CDR2L: variants seen among roughly 807,000 people sequenced by gnomAD.
The protein encoded by CDR2L is cerebellar degeneration related protein 2 like, also known as cerebellar degeneration-related protein 2-like.
In CDR2L, 19 loss-of-function variants were observed where a neutral mutation model predicts 36.1. The ratio of observed to expected loss-of-function variants is 0.53; its 90% CI spans 0.37 to 0.77. The LOEUF is 0.77. Ranked by LOEUF, CDR2L falls within the 30% of genes least tolerant of loss-of-function variation. The pLI is 0.00. For synonymous variants in CDR2L, 285 were observed against 280.4 expected, an observed-to-expected ratio of 1.02 and a Z score of -0.16; for missense variants, 575 against 627.2, an observed-to-expected ratio of 0.92 and a Z score of 0.89.
rs2039871573 is a variant in CDR2L, at chr17:75,002,219, C to T, written c.497C>T (p.Thr166Ile). 1.2e-6 allele frequency: 2 copies of T among 1,608,168 alleles called. No individual in the cohort carries two copies. Among genetic ancestry groups the T allele is most frequent in the Non-Finnish European group, 1.7e-6 (2 of 1,177,548 alleles). Residue 166 changes from threonine (T) to isoleucine (I), a missense_variant, in exon 4 of 5, where the codon ACC (threonine) becomes ATC (isoleucine). Physicochemically the swap from Thr to Ile is moderately conservative, Grantham distance 89. Coordinates refer to ENST00000337231, the MANE Select transcript of CDR2L (RefSeq NM_014603.3). The surrounding 1 kb of genome is among the most constrained non-coding windows in gnomAD (Gnocchi z 4.1). ...TTCCCCTGCCTCAAGGAGCTGTGCA[C>T]CAGCCCCCGGTAGGTGAGAGCACTG... ...HTFPCLKELCTSPRCKDAFRL... is the reference protein window; with the variant it reads ...HTFPCLKELCISPRCKDAFRL...
At position 74,995,722 on chromosome 17, in the gene CDR2L, C is replaced by T. The variant is rs1299237455; in HGVS notation, c.80-3782C>T. On this transcript the variant is annotated intron_variant, in intron 1 of 4. Transcript: ENST00000337231. ...TTTACCATGTTGGCCAGGCTGGTCT[C>T]GAACTCCTGACTTCAAGTGATCCAC... Among the ~76,000 whole-genome samples, 3 of 150,972 alleles carry T rather than the reference C, an allele frequency of 2.0e-5. No homozygotes were observed. The East Asian group carries it at 6.0e-4, about 30-fold the overall frequency.
rs368590177 is a variant in CDR2L, at chr17:75,001,423, G to C, written c.275G>C (p.Arg92Pro). The change falls in exon 3 of 5, where the codon CGG (arginine) becomes CCG (proline). Residue 92 changes from arginine to proline, a missense_variant. Coordinates refer to ENST00000337231, the MANE Select transcript of CDR2L (RefSeq NM_014603.3). ...TATGAGCAGCTGGACCTGACAGCCC[G>C]GGACCTGGAGCTGACCAACCACAGG... The part of the protein sequence containing the change: ...KVYEQLDLTA[R>P]DLELTNHRLV... 8 of 1,607,818 alleles carry C rather than the reference G, an allele frequency of 5.0e-6. No homozygotes were observed. The highest frequency in any genetic ancestry group is 6.8e-6 in the Non-Finnish European group (8 of 1,177,756).
chr17:75,003,121 G>A (rs2039876822), intron 4 of CDR2L, 62 bp from the exon 5 acceptor site: 6 of 1,517,356 alleles, frequency 4.0e-6, no homozygotes, highest in Admixed American at 2.1e-5. Context: ...GGCCTTGGCC[G>A]TGCCCGTGAC....
rs9900009 is a variant in CDR2L, at chr17:74,989,195, G to A, written c.79+1073G>A. On this transcript the variant is annotated intron_variant, in intron 1 of 4. Coordinates refer to ENST00000337231, the MANE Select transcript of CDR2L (RefSeq NM_014603.3). The surrounding 1 kb of genome is among the most constrained non-coding windows in gnomAD (Gnocchi z 4.2). Reference sequence around the variant, plus strand: ...AGGGCTGGCTTTGCCCTGATGTGCAGCAGCTATCCGGATTCTGAAGCCCCT... The same window carrying A: ...AGGGCTGGCTTTGCCCTGATGTGCAACAGCTATCCGGATTCTGAAGCCCCT... Among the ~76,000 whole-genome samples the A allele has an allele frequency of 2.0e-5, 3 of 152,192 alleles. No individual in the cohort carries two copies. The highest frequency in any genetic ancestry group is 7.2e-5 in the African/African-American group (3 of 41,448).
intron 1 of CDR2L, among the ~76,000 whole-genome samples, chr17:74,990,146 G>A (rs941334224): frequency 2.0e-5 from 3 of 152,316 alleles, no homozygotes; most frequent in African/African-American, 7.2e-5. Context: ...CATAGAGGTG[G>A]GAGATGCGCA....
intron 1 of CDR2L, among the ~76,000 whole-genome samples, chr17:74,995,243 C>G (rs1038432408): frequency 2.0e-5 from 3 of 151,088 alleles, no homozygotes; most frequent in African/African-American, 7.3e-5. Flanking sequence ...CAATGTCTCA[C>G]TCTGTCACCC....
intron 1 of CDR2L, among the ~76,000 whole-genome samples, chr17:74,998,908 C>T (rs1203939029): frequency 6.6e-6 from 1 of 152,212 alleles, no homozygotes; most frequent in Non-Finnish European, 1.5e-5. Flanking sequence ...TTAGTCCCTT[C>T]CTGGCTGTGA....
At position 75,002,222 on chromosome 17, in the gene CDR2L, G is replaced by T. The variant is rs778756035; in HGVS notation, c.500G>T (p.Ser167Ile). ...CCCTGCCTCAAGGAGCTGTGCACCA[G>T]CCCCCGGTAGGTGAGAGCACTGCTT... ...TFPCLKELCT[S>I]PRCKDAFRLH... Residue 167 changes from serine (S) to isoleucine (I), a missense_variant, in exon 4 of 5, where the codon AGC (serine) becomes ATC (isoleucine). Physicochemically the swap from Ser to Ile is moderately radical, Grantham distance 142. Transcript: ENST00000337231. This position sits in a 1 kb window ranked among gnomAD's most constrained non-coding sequence, Gnocchi z 4.1. The T allele has an allele frequency of 1.9e-6, 3 of 1,607,434 alleles. No individual in the cohort carries two copies. The highest frequency in any genetic ancestry group is 2.5e-6 in the Non-Finnish European group (3 of 1,177,270).
At position 75,004,224 on chromosome 17, in the gene CDR2L, C is replaced by A. The variant is rs2039889699; in HGVS notation, c.*150C>A. ...CCGGAAGCACGCAGCATGTTCCCTG[C>A]TGAGCGGAGGCAGCCCACCTGTCCT... On this transcript the variant is annotated 3_prime_UTR_variant, in exon 5 of 5. Coordinates refer to ENST00000337231, the MANE Select transcript of CDR2L (RefSeq NM_014603.3). The A allele has an allele frequency of 2.9e-6, 2 of 688,280 alleles. No individual in the cohort carries two copies. The highest frequency in any genetic ancestry group is 4.8e-6 in the Non-Finnish European group (2 of 419,294). 42.6% of individuals were successfully genotyped at this position (688,280 alleles called of 1,614,324 possible).
intron 1 of CDR2L, among the ~76,000 whole-genome samples, chr17:74,994,720 A>G (rs1417226202): frequency 6.6e-6 from 1 of 151,890 alleles, no homozygotes; most frequent in Non-Finnish European, 1.5e-5. Flanking sequence ...GTCCTCCCAC[A>G]TCAACTTCTC....
chr17:74,999,397 G>A, intron 1 of CDR2L, 107 bp from the exon 2 acceptor site: 1 of 702,234 alleles, frequency 1.4e-6, no homozygotes, highest in Non-Finnish European at 2.5e-6. Flanking sequence ...CCCAGGCCTG[G>A]AGGCTCCCAG....
chr17:74,997,388 C>G (rs1300043095), intron 1 of CDR2L, among the ~76,000 whole-genome samples: 3 of 152,024 alleles, frequency 2.0e-5, no homozygotes, highest in African/African-American at 4.8e-5. Context: ...TCCTATCCAC[C>G]CTTCAAAGTC....
intron 1 of CDR2L, 90 bp from the exon 2 acceptor site, chr17:74,999,414 G>T: frequency 1.2e-6 from 1 of 814,606 alleles, no homozygotes; most frequent in Non-Finnish European, 2.0e-6. Context: ...CCAGTGTCTT[G>T]GTTACATTGG....
Position 75,003,770 on chromosome 17 carries a change from A to G in CDR2L, c.1094A>G (p.Glu365Gly). ...GACGAGCAGTACCACGCGCTGCTGG[A>G]GAAGTACGAGGAGCTGCTGAGCAAG... ...EVDEQYHALL[E>G]KYEELLSKCR... The change falls in exon 5 of 5, where the codon GAG becomes GGG. Residue 365 changes from glutamate (E) to glycine (G), a missense_variant. Glu to Gly is a moderately conservative substitution (Grantham distance 98). Coordinates refer to ENST00000337231, the MANE Select transcript of CDR2L (RefSeq NM_014603.3). The G allele has an allele frequency of 6.6e-7, 1 of 1,510,676 alleles. No homozygotes were observed. The highest frequency in any genetic ancestry group is 8.9e-7 in the Non-Finnish European group (1 of 1,127,152). The allele number at this position is 1,510,676 out of a possible 1,614,324, so 93.6% of individuals were successfully genotyped here. A position where few individuals can be genotyped will look rare whatever the true frequency, so the allele number is the denominator to read the frequency against.
intron 1 of CDR2L, among the ~76,000 whole-genome samples, chr17:74,988,834 G>C (rs2039779324): frequency 6.6e-6 from 1 of 152,152 alleles, no homozygotes; most frequent in Admixed American, 6.5e-5. Context: ...GCTGCCCCCA[G>C]TTGCCATCTG....
At position 75,004,383 on chromosome 17, in the gene CDR2L, C is replaced by A; in HGVS notation, c.*309C>A. On this transcript the variant is annotated 3_prime_UTR_variant, in exon 5 of 5. Transcript: ENST00000337231. The stretch of plus-strand genomic sequence containing the variant: ...GCTTCCTGACCCTGCGCCTCACCCT[C>A]AGACTGGTGACCAGGCTTCTGAAAG... 1 of 302,656 alleles carries A rather than the reference C, an allele frequency of 3.3e-6. No homozygotes were observed. The allele number at this position is 302,656 out of a possible 1,614,324, so 18.7% of individuals were successfully genotyped here. A position where few individuals can be genotyped will look rare whatever the true frequency, so the allele number is the denominator to read the frequency against.
At chr17:75,003,115 T>TTGGCCG (rs1298410951) in intron 4 of CDR2L, 68 bp from the exon 5 acceptor site, 21 of 1,505,008 alleles carry the variant, frequency 1.4e-5, no homozygotes, top group Non-Finnish European at 1.6e-5. Context: ...CTGCTCGGCC[T>TTGGCCG]TGGCCGTGCC....
At chr17:74,994,353 G>A (rs905672007) in intron 1 of CDR2L, among the ~76,000 whole-genome samples, 5 of 152,130 alleles carry the variant, frequency 3.3e-5, no homozygotes, top group African/African-American at 1.2e-4. Flanking sequence ...GATTTACATC[G>A]TCAGCCTAGA....
chr17:75,003,828 C>A lies in CDR2L; in HGVS notation c.1152C>A (p.Ala384=), dbSNP rs530249060. 3.2e-6 allele frequency: 5 copies of A among 1,561,268 alleles called. No individual in the cohort carries two copies. The highest frequency in any genetic ancestry group is 3.5e-6 in the Non-Finnish European group (4 of 1,153,664). ...CRQHGAGVRH[A]GVQTSRPISR... ...AGCACGGGGCCGGAGTGCGGCACGC[C>A]GGCGTGCAGACCTCGCGCCCCATCT... Residue 384 remains alanine, a synonymous_variant, in exon 5 of 5, where the codon GCC becomes GCA. Coordinates refer to ENST00000337231, the MANE Select transcript of CDR2L (RefSeq NM_014603.3).
Sources: gnomAD v4.1 joint callset for allele counts (sites outside exome capture counted in the v4.1 genomes callset) on GRCh38, gnomAD v4.1.1 for gene constraint, Gnocchi (gnomAD v3.1) non-coding constraint, MANE v1.5 for transcripts, NCBI Gene and HGNC (gene_info 2026-07-23, HGNC 2026-07-21) for gene names.